The following GPHN variants were observed in gnomAD, a reference collection of about 807,000 sequenced individuals.
GPHN encodes gephyrin.
GPHN carries 17 observed loss-of-function variants against 95.5 expected under a neutral mutation model. The observed-to-expected ratio is 0.18, with a 90% CI of 0.12 to 0.27. GPHN has a LOEUF of 0.27. GPHN is among the 10% of genes least tolerant of loss of function. GPHN has a pLI of 1.00. For synonymous variants in GPHN, 320 were observed against 322.5 expected (o/e 0.99, Z 0.08); for missense variants, 660 against 978.1 (o/e 0.67, Z 4.34).
intron 9 of GPHN, among the ~76,000 whole-genome samples, chr14:67,004,131 A>G (rs1414222768): frequency 1.3e-5 from 2 of 151,786 alleles, no homozygotes; most frequent in Non-Finnish European, 3.0e-5. Context: ...TTTTTCAGGT[A>G]CAGTATGAGA....
intron 9 of GPHN, among the ~76,000 whole-genome samples, chr14:67,013,713 A>G (rs933092667): frequency 6.6e-6 from 1 of 152,038 alleles, no homozygotes; most frequent in African/African-American, 2.4e-5. Context: ...AACTTTTTCA[A>G]TCAATCTAAA....
chr14:66,564,777 TTGG>T (rs972553675), intron 1 of GPHN, among the ~76,000 whole-genome samples: 2 of 152,116 alleles, frequency 1.3e-5, no homozygotes, highest in Admixed American at 6.5e-5. Context: ...GTTCACGTGT[TTGG>T]TGGTATGCAT....
chr14:66,862,727 A>G (rs1596188710), intron 4 of GPHN, among the ~76,000 whole-genome samples: 1 of 152,138 alleles, frequency 6.6e-6, no homozygotes, highest in Non-Finnish European at 1.5e-5. Context: ...CAAAAACTAT[A>G]TGATCATTTT....
At chr14:66,673,357 G>T (rs1317337190) in intron 1 of GPHN, among the ~76,000 whole-genome samples, 1 of 152,156 alleles carries the variant, frequency 6.6e-6, no homozygotes, top group Admixed American at 6.5e-5. Context: ...CTCCCAAAGT[G>T]CCGGAAATAC....
chr14:67,664,600 G>A, the GPHN span, among the ~76,000 whole-genome samples: 1 of 151,490 alleles, frequency 6.6e-6, no homozygotes, highest in African/African-American at 2.4e-5. Context: ...AGGTTCAAGC[G>A]ATTCTCTTGC....
chr14:67,006,850 G>A (rs1314652284), intron 9 of GPHN, among the ~76,000 whole-genome samples: 2 of 152,148 alleles, frequency 1.3e-5, no homozygotes, highest in Non-Finnish European at 2.9e-5. Flanking sequence ...CTTCATTTGT[G>A]TGCTGTCTCA....
chr14:67,414,455 C>T, the GPHN span, among the ~76,000 whole-genome samples: 1 of 152,186 alleles, frequency 6.6e-6, no homozygotes, highest in Non-Finnish European at 1.5e-5. Flanking sequence ...AAGCAGACAG[C>T]AGTAAACAGC....
the GPHN span, among the ~76,000 whole-genome samples, chr14:67,483,717 G>A: frequency 6.6e-6 from 1 of 152,222 alleles, no homozygotes; most frequent in Non-Finnish European, 1.5e-5. Context: ...ACAACCCAGA[G>A]GCCCCCTGAC....
At chr14:67,510,019 T>A in the GPHN span, among the ~76,000 whole-genome samples, 1 of 91,414 alleles carries the variant, frequency 1.1e-5, no homozygotes, top group African/African-American at 3.0e-5. Flanking sequence ...CTAAAAAAAT[T>A]TTTTTATTAA....
At chr14:66,722,420 A>G (rs1412047051) in intron 2 of GPHN, among the ~76,000 whole-genome samples, 1 of 145,784 alleles carries the variant, frequency 6.9e-6, no homozygotes, top group Non-Finnish European at 1.5e-5. Context: ...CATGTGTTCT[A>G]TTAATACTAA....
the GPHN span, chr14:67,473,185 C>G: frequency 1.8e-6 from 1 of 564,592 alleles, no homozygotes; most frequent in Non-Finnish European, 3.1e-6. This position sits in a 1 kb window ranked among gnomAD's most constrained non-coding sequence, Gnocchi z 6.5. Context: ...AACTGGGCCG[C>G]GATCCATGGA....
chr14:66,584,422 A>G (rs983898178), intron 1 of GPHN, among the ~76,000 whole-genome samples: 4 of 152,044 alleles, frequency 2.6e-5, no homozygotes, highest in African/African-American at 4.8e-5. Flanking sequence ...TTCCAACACT[A>G]TGTTGAATAG....
At position 66,877,650 on chromosome 14, in the gene GPHN, A is replaced by G. The variant is rs545799214; in HGVS notation, c.295-2289A>G. On this transcript the variant is annotated intron_variant, in intron 4 of 22. Transcript: ENST00000478722. The stretch of plus-strand genomic sequence containing the variant: ...CCCATTCACAATTGCTACAAAGAGA[A>G]TAAAATGCCTAGAATATGACTAACA... 5.0e-4 allele frequency among the ~76,000 whole-genome samples: 76 copies of G among 152,322 alleles called. No individual in the cohort carries two copies. The Middle Eastern group carries it at 0.01, about 20-fold the overall frequency.
chr14:67,636,475 G>A, the GPHN span, among the ~76,000 whole-genome samples: 5 of 152,222 alleles, frequency 3.3e-5, no homozygotes, highest in African/African-American at 1.2e-4. Context: ...GTGGTGTGTA[G>A]AGGCAGACAA....
the GPHN span, among the ~76,000 whole-genome samples, chr14:67,197,609 G>A: frequency 1.6e-4 from 25 of 152,256 alleles, no homozygotes; most frequent in East Asian, 1.5e-3. Context: ...CATAAGGAGC[G>A]CGCAACCAAG....
intron 1 of GPHN, among the ~76,000 whole-genome samples, chr14:66,575,907 C>G (rs142506626): frequency 1.1e-4 from 17 of 152,212 alleles, no homozygotes; most frequent in African/African-American, 3.6e-4. Context: ...TGGCTGGACA[C>G]TGGGGCAGGC....
intron 8 of GPHN, among the ~76,000 whole-genome samples, chr14:66,958,701 A>T (rs995412750): frequency 4.6e-5 from 7 of 152,170 alleles, no homozygotes; most frequent in Non-Finnish European, 8.8e-5. Flanking sequence ...TTATAATATT[A>T]TGGGACCACT....
chr14:67,292,678 C>T, the GPHN span: 1 of 1,613,650 alleles, frequency 6.2e-7, no homozygotes. Flanking sequence ...GGCCAGTCCT[C>T]CATTTCCTCT....
At chr14:66,952,392 C>G (rs2068162661) in intron 8 of GPHN, among the ~76,000 whole-genome samples, 1 of 152,146 alleles carries the variant, frequency 6.6e-6, no homozygotes, top group African/African-American at 2.4e-5. Context: ...GCACAATATT[C>G]CATTGTAAGG....
Sources: gnomAD v4.1 joint callset for allele counts (sites outside exome capture counted in the v4.1 genomes callset) on GRCh38, gnomAD v4.1.1 for gene constraint, Gnocchi (gnomAD v3.1) non-coding constraint, MANE v1.5 for transcripts, NCBI Gene and HGNC (gene_info 2026-07-23, HGNC 2026-07-21) for gene names.